KRT39: variants seen among roughly 807,000 people sequenced by gnomAD.
KRT39 encodes the protein keratin, type I cytoskeletal 39.
KRT39 carries 47 observed loss-of-function variants against 54.8 expected under a neutral mutation model. The ratio of observed to expected loss-of-function variants is 0.86; its 90% CI spans 0.68 to 1.09. The LOEUF (loss-of-function observed/expected upper bound fraction) is 1.09. Ranked by LOEUF, KRT39 falls within the 50% of genes least tolerant of loss-of-function variation. The probability of loss-of-function intolerance (pLI) is 0.00; values close to 1 mark genes in which losing one functional copy is unlikely to be tolerated. For synonymous variants in KRT39, 207 were observed against 227.9 expected (o/e 0.91, Z 0.83); for missense variants, 580 against 598.5 (o/e 0.97, Z 0.32).
intron 6 of KRT39, among the ~76,000 whole-genome samples, 199 bp downstream of exon 6, chr17:40,960,082 G>C (rs988698035): frequency 6.6e-6 from 1 of 152,174 alleles, no homozygotes; most frequent in Non-Finnish European, 1.5e-5. Flanking sequence ...GTCAGCCAAT[G>C]CCTCAAATTT....
chr17:40,963,520 G>A (rs1911236004), intron 3 of KRT39, 107 bp downstream of exon 3: 1 of 1,020,044 alleles, frequency 9.8e-7, no homozygotes, highest in African/African-American at 1.6e-5. Flanking sequence ...AGCAGTGTGA[G>A]AACGAACTAA....
intron 5 of KRT39, among the ~76,000 whole-genome samples, chr17:40,961,453 T>G (rs1220689263): frequency 1.3e-5 from 2 of 152,194 alleles, no homozygotes; most frequent in Non-Finnish European, 2.9e-5. Flanking sequence ...ACAAAACCAG[T>G]GTGGGGCAAG....
Position 40,966,442 on chromosome 17 carries a change from G to C in KRT39, c.415C>G (p.Leu139Val), listed in dbSNP as rs144576097. ...QEESNKELPV[L>V]CPDYLSYYTT... is the part of the protein sequence containing the mutation. ...TAGTAAGACAGGTAATCAGGACATA[G>C]AACAGGGAGCTCTTTGTTACTTTCT... The change falls in exon 1 of 7, where the codon CTA becomes GTA. Residue 139 changes from leucine to valine, a missense_variant. Leu to Val is a conservative substitution (Grantham distance 32, BLOSUM62 1). Coordinates refer to ENST00000355612, the MANE Select transcript of KRT39 (RefSeq NM_213656.4). 6.2e-7 allele frequency: 1 copy of C among 1,614,148 alleles called. No individual in the cohort carries two copies. The highest frequency in any genetic ancestry group is 1.7e-5 in the Admixed American group (1 of 60,024).
Position 40,966,729 on chromosome 17 carries a change from T to A in KRT39, c.128A>T (p.Asn43Ile). The A allele has an allele frequency of 6.2e-7, 1 of 1,614,188 alleles. No individual in the cohort carries two copies. The highest frequency in any genetic ancestry group is 8.5e-7 in the Non-Finnish European group (1 of 1,180,016). Residue 43 changes from asparagine to isoleucine, a missense_variant, in exon 1 of 7, where the codon AAC (asparagine) becomes ATC (isoleucine). Coordinates refer to ENST00000355612, the MANE Select transcript of KRT39 (RefSeq NM_213656.4). ...GCHPGGLTVN[N>I]CQPAGHVLRI... ...GAGAACGTGGCCAGCTGGTTGACAGTTGTTGACTGTAAGGCCACCAGGATG... is the reference window on the plus strand; with the variant it reads ...GAGAACGTGGCCAGCTGGTTGACAGATGTTGACTGTAAGGCCACCAGGATG...
chr17:40,964,663 C>T (rs1240373290), intron 1 of KRT39, 135 bp from the exon 2 acceptor site: 2 of 615,138 alleles, frequency 3.3e-6, no homozygotes, highest in African/African-American at 3.7e-5. Flanking sequence ...TAGCTATGCT[C>T]ACAAAGCTTG....
Position 40,963,799 on chromosome 17 carries a change from G to A in KRT39, c.552-16C>T. 2 of 1,560,466 alleles carry A rather than the reference G, an allele frequency of 1.3e-6. No homozygotes were observed. Among genetic ancestry groups the A allele is most frequent in the Non-Finnish European group, 1.8e-6 (2 of 1,141,040 alleles). Reference sequence around the variant, plus strand: ...AGCTTCGTATCTTTAAAAACCAGATGGGAAAAGAGAGACATCTGAAAGGAG... The same window carrying A: ...AGCTTCGTATCTTTAAAAACCAGATAGGAAAAGAGAGACATCTGAAAGGAG... On this transcript the variant is annotated splice_polypyrimidine_tract_variant and intron_variant, in intron 2 of 6. Transcript: ENST00000355612.
chr17:40,966,642 A>G lies in KRT39; in HGVS notation c.215T>C (p.Leu72Pro). Residue 72 changes from leucine (L) to proline (P), a missense_variant, in exon 1 of 7, where the codon CTA becomes CCA. Transcript: ENST00000355612. The stretch of plus-strand genomic sequence containing the variant: ...AAAACGGGCATTGAAGTTGTTCATT[A>G]GGTAGATGGGCTTGCGACAAAAGCG... Reference protein sequence around the residue: ...TPRFCRKPIYLMNNFNARFSL... With the variant: ...TPRFCRKPIYPMNNFNARFSL... The G allele has an allele frequency of 6.2e-7, 1 of 1,614,230 alleles. No individual in the cohort carries two copies. The highest frequency in any genetic ancestry group is 1.1e-5 in the South Asian group (1 of 91,090).
At chr17:40,965,229 A>G (rs1280556699) in intron 1 of KRT39, among the ~76,000 whole-genome samples, 4 of 151,046 alleles carry the variant, frequency 2.6e-5, no homozygotes, top group African/African-American at 9.7e-5. Context: ...TACAAAAATT[A>G]TCTGGGTGTG....
intron 5 of KRT39, among the ~76,000 whole-genome samples, chr17:40,961,183 G>A (rs750177223): frequency 8.0e-5 from 12 of 150,876 alleles, no homozygotes; most frequent in Non-Finnish European, 1.2e-4. Context: ...GTGAGTGTTC[G>A]TGTCTTAAAA....
At chr17:40,962,709 A>C in intron 3 of KRT39, 146 bp from the exon 4 acceptor site, 2 of 674,548 alleles carry the variant, frequency 3.0e-6, no homozygotes, top group East Asian at 2.6e-5. Flanking sequence ...GGTGTTATTG[A>C]GATGCTATAA....
Position 40,962,411 on chromosome 17 carries a change from G to A in KRT39, c.861C>T (p.Phe287=), listed in dbSNP as rs1276921946. The A allele has an allele frequency of 1.2e-6, 2 of 1,613,992 alleles. No homozygotes were observed. The highest frequency in any genetic ancestry group is 4.5e-5 in the East Asian group (2 of 44,904). The change falls in exon 4 of 7, where the codon TTC becomes TTT. Residue 287 remains phenylalanine (F), a synonymous_variant. Coordinates refer to ENST00000355612, the MANE Select transcript of KRT39 (RefSeq NM_213656.4). ...ETNRKDVEQW[F]NTQIEELNQQ... ...TTTCTATATCCCCCACCTGCGTGTTGAACCACTGTTCCACATCTTTGCGGT... is the reference window on the plus strand; with the variant it reads ...TTTCTATATCCCCCACCTGCGTGTTAAACCACTGTTCCACATCTTTGCGGT...
At chr17:40,964,005 A>G (rs1314344029) in intron 2 of KRT39, 2 of 442,590 alleles carry the variant, frequency 4.5e-6, no homozygotes, top group Non-Finnish European at 8.0e-6. Context: ...TCTTTGAGAT[A>G]TGGGAATTTA....
At chr17:40,959,858 G>T (rs1170692479) in intron 6 of KRT39, among the ~76,000 whole-genome samples, 1 of 152,206 alleles carries the variant, frequency 6.6e-6, no homozygotes, top group Non-Finnish European at 1.5e-5. Flanking sequence ...AGGGGTTTCA[G>T]CCTGAGCAGA....
At chr17:40,965,306 C>T (rs537720616) in intron 1 of KRT39, among the ~76,000 whole-genome samples, 3 of 151,880 alleles carry the variant, frequency 2.0e-5, no homozygotes, top group Admixed American at 1.3e-4. Flanking sequence ...AACCTGGGAG[C>T]TGGAGGTTGC....
chr17:40,966,659 A>T lies in KRT39; in HGVS notation c.198T>A (p.Cys66Ter). 1 of 1,614,240 alleles carries T rather than the reference A, an allele frequency of 6.2e-7. No individual in the cohort carries two copies. Among genetic ancestry groups the T allele is most frequent in the Non-Finnish European group, 8.5e-7 (1 of 1,180,042 alleles). ...TGTTCATTAGGTAGATGGGCTTGCG[A>T]CAAAAGCGAGGAGTGGGTTGGCAGC... ...DQGCQPTPRF[C>*]RKPIYLMNNF... Residue 66 changes from cysteine to a stop codon, truncating the protein, a stop_gained, in exon 1 of 7, where the codon TGT becomes TGA. Transcript: ENST00000355612. LOFTEE classifies it high-confidence loss of function.
intron 1 of KRT39, among the ~76,000 whole-genome samples, chr17:40,964,783 G>T (rs1321127388): frequency 6.9e-6 from 1 of 145,784 alleles, no homozygotes; most frequent in African/African-American, 2.6e-5. Context: ...AAAAATCCAG[G>T]CTGAGAGCAG....
chr17:40,963,480 T>G, intron 3 of KRT39, 147 bp downstream of exon 3: 1 of 702,764 alleles, frequency 1.4e-6, no homozygotes, highest in South Asian at 3.0e-5. Flanking sequence ...CTGTCCTTTA[T>G]AAATTACCTA....
In KRT39 at chr17:40,966,042, C is replaced by G. The variant is rs185223630; in HGVS notation, c.468+347G>C. 2.0e-4 allele frequency among the ~76,000 whole-genome samples: 30 copies of G among 149,500 alleles called. No homozygotes were observed. The East Asian group carries it at 5.6e-3, about 28-fold the overall frequency. ...GGACCACAGGCATGTGCCACCACGC[C>G]CATCTAATTTTTTTTTGTGTGTGTA... On this transcript the variant is annotated intron_variant, in intron 1 of 6. Coordinates refer to ENST00000355612, the MANE Select transcript of KRT39 (RefSeq NM_213656.4).
At chr17:40,965,190 C>G (rs1464137641) in intron 1 of KRT39, among the ~76,000 whole-genome samples, 1 of 143,952 alleles carries the variant, frequency 6.9e-6, no homozygotes. Flanking sequence ...GGAGACAGAG[C>G]GAGACTCCGT....
Sources: gnomAD v4.1 joint callset for allele counts (sites outside exome capture counted in the v4.1 genomes callset) on GRCh38, gnomAD v4.1.1 for gene constraint, MANE v1.5 for transcripts, NCBI Gene and HGNC (gene_info 2026-07-23, HGNC 2026-07-21) for gene names.